Variants in PPP1R12C observed in about 807,000 individuals in gnomAD.
The protein encoded by PPP1R12C is protein phosphatase 1 regulatory subunit 12C, also known as leukocyte receptor cluster (LRC) encoded novel gene 3.
PPP1R12C carries 48 observed loss-of-function variants against 95.6 expected under a neutral mutation model. That is an observed-to-expected ratio of 0.50 (90% CI 0.40 to 0.64). PPP1R12C has a LOEUF of 0.64. Among genes scored for constraint, PPP1R12C ranks in the 30% least tolerant of loss-of-function variants. The probability of loss-of-function intolerance (pLI) is 0.00; values close to 1 mark genes in which losing one functional copy is unlikely to be tolerated. For synonymous variants in PPP1R12C, 480 were observed against 460.8 expected (o/e 1.04, Z -0.53); for missense variants, 1,057 against 1,083.3 (o/e 0.98, Z 0.34).
intron 1 of PPP1R12C, chr19:55,113,373 G>T: frequency 7.0e-7 from 1 of 1,431,580 alleles, no homozygotes; most frequent in Non-Finnish European, 9.2e-7. Context: ...ACTCCCAGAG[G>T]GGTGAGACAG....
intron 19 of PPP1R12C, 39 bp from the exon 20 acceptor site, chr19:55,091,948 A>G (rs774035173): frequency 6.2e-7 from 1 of 1,609,718 alleles, no homozygotes; most frequent in Non-Finnish European, 8.5e-7. Flanking sequence ...CAGCAGAAGA[A>G]GCCAGCACTG....
rs34207463 is a variant in PPP1R12C at position 55,095,529 on chromosome 19, A to T, written c.1302T>A (p.Pro434=). ...KTGSSGALGP[P]ERRTAEGAPG... ...GGGCTCCCTCCGCTGTCCGCCTTTC[A>T]GGGGGACCCAGGGCACCAGAACTCC... is the stretch of plus-strand genomic sequence containing the variant. The change falls in exon 10 of 22, where the codon CCT becomes CCA. Residue 434 remains proline, a synonymous_variant. Transcript: ENST00000263433. 5.0e-3 allele frequency: 7,972 copies of T among 1,589,642 alleles called. 344 individuals are homozygous for T. The African/African-American group carries it at 0.093, about 18-fold the overall frequency.
At chr19:55,096,554 C>T (rs1035339564) in intron 6 of PPP1R12C, among the ~76,000 whole-genome samples, 2 of 152,058 alleles carry the variant, frequency 1.3e-5, no homozygotes, top group African/African-American at 2.4e-5. Context: ...GCCGTCTTGT[C>T]CTCACGGCCC....
chr19:55,095,434 C>G lies in PPP1R12C; in HGVS notation c.1386+11G>C. ...GGGCCTGGGCCTGGACCCGGCCCAA[C>G]CCTCACTCACCTGAGTGGAGGTCCC... On this transcript the variant is annotated intron_variant, in intron 10 of 21. Transcript: ENST00000263433. 1.3e-6 allele frequency: 2 copies of G among 1,560,768 alleles called. No individual in the cohort carries two copies. The highest frequency in any genetic ancestry group is 1.7e-6 in the Non-Finnish European group (2 of 1,152,746).
chr19:55,091,166 GC>G lies in PPP1R12C; in HGVS notation c.*305del. 2.3e-6 allele frequency: 1 copy of G among 426,398 alleles called. No individual in the cohort carries two copies. Among genetic ancestry groups the G allele is most frequent in the Non-Finnish European group, 4.3e-6 (1 of 232,274 alleles). 26.4% of individuals were successfully genotyped at this position (426,398 alleles called of 1,614,324 possible). A position where few individuals can be genotyped will look rare whatever the true frequency, so the allele number is the denominator to read the frequency against. ...CACGTGAGATGGGGACCTCCAGGCG[GC>G]CACTCTGGTCCTGGCTACTGATCCT... is the stretch of plus-strand genomic sequence containing the variant. On this transcript the variant is annotated 3_prime_UTR_variant, in exon 22 of 22. Transcript: ENST00000263433.
chr19:55,095,373 G>A lies in PPP1R12C; in HGVS notation c.1387-15C>T. 1.9e-6 allele frequency: 3 copies of A among 1,581,692 alleles called. No individual in the cohort carries two copies. The highest frequency in any genetic ancestry group is 2.6e-6 in the Non-Finnish European group (3 of 1,164,164). On this transcript the variant is annotated splice_polypyrimidine_tract_variant and intron_variant, in intron 10 of 21. Transcript: ENST00000263433. The stretch of plus-strand genomic sequence containing the variant: ...AGCTCCTTGGCCTGTGTGGAGAGGA[G>A]AAGGGGAGGAAGGGGCAGTTCCCTC...
At chr19:55,100,534 G>A (rs185979875) in intron 4 of PPP1R12C, among the ~76,000 whole-genome samples, 1 of 152,224 alleles carries the variant, frequency 6.6e-6, no homozygotes, top group Non-Finnish European at 1.5e-5. Flanking sequence ...CACAGCAGGG[G>A]CTCAAAAATA....
Position 55,100,550 on chromosome 19 carries a change from C to T in PPP1R12C, c.732-1455G>A, listed in dbSNP as rs150845298. On this transcript the variant is annotated intron_variant, in intron 4 of 21. Transcript: ENST00000263433. ...ACAGCAGGGGCTCAAAAATAAGCATCGAATGAGTATCATCAAATAAACATA... is the reference window on the plus strand; with the variant it reads ...ACAGCAGGGGCTCAAAAATAAGCATTGAATGAGTATCATCAAATAAACATA... Among the ~76,000 whole-genome samples the T allele has an allele frequency of 1.8e-3, 269 of 152,374 alleles. 1 individual carries two copies. The highest frequency in any genetic ancestry group is 6.3e-3 in the African/African-American group (263 of 41,590).
At chr19:55,115,855 C>T (rs75864864) in intron 1 of PPP1R12C, among the ~76,000 whole-genome samples, 3,673 of 152,214 alleles carry the variant, frequency 0.024, 123 homozygotes, top group African/African-American at 0.083. Flanking sequence ...GGTCCCAGCT[C>T]GGGGACACAG....
rs2085171466 is a variant in PPP1R12C at position 55,117,614 on chromosome 19, C to T, written c.-71G>A. 1.1e-6 allele frequency: 1 copy of T among 930,770 alleles called. No homozygotes were observed. The highest frequency in any genetic ancestry group is 1.3e-6 in the Non-Finnish European group (1 of 781,744). The allele number at this position is 930,770 out of a possible 1,614,324, so 57.7% of individuals were successfully genotyped here. On this transcript the variant is annotated 5_prime_UTR_variant, in exon 1 of 22. Coordinates refer to ENST00000263433, the MANE Select transcript of PPP1R12C (RefSeq NM_017607.4). Reference sequence around the variant, plus strand: ...CCGCCGCCACCACCCGCCCGCCCGCCCGCCCCGGGGGCCGCCGGGAACTGC... The same window carrying T: ...CCGCCGCCACCACCCGCCCGCCCGCTCGCCCCGGGGGCCGCCGGGAACTGC...
chr19:55,091,936 G>GA, intron 19 of PPP1R12C, 27 bp from the exon 20 acceptor site: 1 of 1,612,434 alleles, frequency 6.2e-7, no homozygotes, highest in Non-Finnish European at 8.5e-7. Flanking sequence ...AAGCACAGGG[G>GA]TCAGCAGAAG....
intron 4 of PPP1R12C, among the ~76,000 whole-genome samples, chr19:55,099,750 C>T (rs781040887): frequency 2.3e-4 from 35 of 152,228 alleles, no homozygotes; most frequent in Non-Finnish European, 4.3e-4. Context: ...AACCCTCACC[C>T]GAGACAGTGT....
chr19:55,104,040 G>A (rs755980651), intron 3 of PPP1R12C, among the ~76,000 whole-genome samples: 2 of 148,214 alleles, frequency 1.3e-5, no homozygotes, highest in Non-Finnish European at 3.0e-5. Context: ...GCAGGTGGCT[G>A]TAGTCCCAGC....
chr19:55,096,060 C>T lies in PPP1R12C; in HGVS notation c.1144G>A (p.Gly382Ser), dbSNP rs767010711. ...PIQDEDEGEEGPTEPPPAEPR... is the reference protein window; with the variant it reads ...PIQDEDEGEESPTEPPPAEPR... ...GATTCAGGCCCCTCACCGGTGGGAC[C>T]TTCTTCCCCCTCATCCTCGTCCTGG... The change falls in exon 8 of 22, where the codon GGT becomes AGT. Residue 382 changes from glycine to serine, a missense_variant. Around this residue, in one of 5 missense-constraint regions of PPP1R12C, gnomAD observed 356 missense variants for 330.5 expected, o/e 1.08. Coordinates refer to ENST00000263433, the MANE Select transcript of PPP1R12C (RefSeq NM_017607.4). 5.0e-6 allele frequency: 8 copies of T among 1,609,674 alleles called. No homozygotes were observed. The African/African-American group carries it at 1.1e-4, about 22-fold the overall frequency.
intron 6 of PPP1R12C, among the ~76,000 whole-genome samples, chr19:55,098,352 A>G (rs1273728560): frequency 6.6e-6 from 1 of 152,212 alleles, no homozygotes; most frequent in Admixed American, 6.5e-5. Context: ...CAGTCTGGCC[A>G]AGGCTCACGC....
chr19:55,110,483 CA>C (rs1183359177), intron 3 of PPP1R12C, among the ~76,000 whole-genome samples: 1 of 152,132 alleles, frequency 6.6e-6, no homozygotes, highest in Admixed American at 6.5e-5. Context: ...AAGGTCAACA[CA>C]GGGGGTAGCG....
At chr19:55,096,392 A>G in intron 6 of PPP1R12C, 57 bp from the exon 7 acceptor site, 2 of 1,563,576 alleles carry the variant, frequency 1.3e-6, no homozygotes, top group African/African-American at 2.7e-5. Flanking sequence ...CCCCACAGCA[A>G]CACCACCACA....
chr19:55,112,732 G>A lies in PPP1R12C; in HGVS notation c.385C>T (p.Gln129Ter). ...GGCGTCCAGCCCTCGTTGTCTGCCTGGTTCACAGTGGCGCCCTGCTCCACC... is the reference window on the plus strand; with the variant it reads ...GGCGTCCAGCCCTCGTTGTCTGCCTAGTTCACAGTGGCGCCCTGCTCCACC... ...FLVEQGATVN[Q>*]ADNEGWTPLH... is the part of the protein sequence containing the mutation. Residue 129 changes from glutamine (Q) to a stop codon, truncating the protein, a stop_gained, in exon 2 of 22, where the codon CAG (glutamine) becomes TAG (stop). Coordinates refer to ENST00000263433, the MANE Select transcript of PPP1R12C (RefSeq NM_017607.4). LOFTEE classifies it high-confidence loss of function. The A allele has an allele frequency of 6.2e-7, 1 of 1,613,870 alleles. No individual in the cohort carries two copies. The highest frequency in any genetic ancestry group is 8.5e-7 in the Non-Finnish European group (1 of 1,179,986).
rs1012847606 is a variant in PPP1R12C at position 55,092,346 on chromosome 19, G to C, written c.2056-20C>G. On this transcript the variant is annotated intron_variant, in intron 18 of 21. Transcript: ENST00000263433. Reference sequence around the variant, plus strand: ...ATACAGCTGGGGGTCAGGTAGAGGAGGGTCAGGTGGAGGATGGGGCGATGC... The same window carrying C: ...ATACAGCTGGGGGTCAGGTAGAGGACGGTCAGGTGGAGGATGGGGCGATGC... 7.6e-6 allele frequency: 12 copies of C among 1,581,470 alleles called. No homozygotes were observed. Among genetic ancestry groups the C allele is most frequent in the Non-Finnish European group, 1.0e-5 (12 of 1,163,388 alleles).
Sources: allele counts gnomAD v4.1 joint callset (sites outside exome capture counted in the v4.1 genomes callset), GRCh38; gene constraint gnomAD v4.1.1; regional missense constraint gnomAD v4.1.1; transcripts MANE v1.5; gene names NCBI Gene and HGNC (gene_info 2026-07-23, HGNC 2026-07-21).